Variants in ADAMTSL1 observed in about 807,000 individuals in gnomAD.
ADAMTSL1 encodes ADAMTS like 1.
Under a neutral mutation model 201.8 loss-of-function variants are expected in ADAMTSL1, and 126 were observed. That is an observed-to-expected ratio of 0.62 (90% confidence interval 0.54 to 0.72). The LOEUF (loss-of-function observed/expected upper bound fraction) is 0.72. Among genes scored for constraint, ADAMTSL1 ranks in the 30% least tolerant of loss-of-function variants. ADAMTSL1 has a pLI of 0.00. For missense variants in ADAMTSL1, 2,679 were observed against 2,277.8 expected, an observed-to-expected ratio of 1.18 and a Z score of -3.59; for synonymous variants, 1,121 against 903.4, an observed-to-expected ratio of 1.24 and a Z score of -4.32.
At chr9:18,627,020 G>T (rs1826431776) in intron 5 of ADAMTSL1, among the ~76,000 whole-genome samples, 1 of 147,730 alleles carries the variant, frequency 6.8e-6, no homozygotes, top group African/African-American at 2.5e-5. Flanking sequence ...CTGTCACTGA[G>T]GCTTCAGTGC....
intron 2 of ADAMTSL1, among the ~76,000 whole-genome samples, chr9:18,354,719 G>T (rs530109219): frequency 6.6e-6 from 1 of 152,156 alleles, no homozygotes; most frequent in Non-Finnish European, 1.5e-5. Flanking sequence ...TGTAGTCCCA[G>T]CACTTTGGAA....
At chr9:18,051,554 T>C (rs1467719290) in intron 1 of ADAMTSL1, among the ~76,000 whole-genome samples, 1 of 152,124 alleles carries the variant, frequency 6.6e-6, no homozygotes, top group African/African-American at 2.4e-5. Context: ...AACTTTTTTT[T>C]TTTTTTTTAA....
chr9:18,294,337 C>T (rs34128220), intron 2 of ADAMTSL1, among the ~76,000 whole-genome samples: 22,085 of 152,170 alleles, frequency 0.15, 2,507 homozygotes, highest in African/African-American at 0.32. Flanking sequence ...CCTTGAATTG[C>T]TTTTCCTGCA....
intron 2 of ADAMTSL1, among the ~76,000 whole-genome samples, chr9:18,468,915 G>GT (rs558997665): frequency 1.3e-5 from 2 of 152,160 alleles, no homozygotes; most frequent in Non-Finnish European, 2.9e-5. Flanking sequence ...AGTTTGTCAC[G>GT]TAAGCAACAT....
rs1432336903 is a variant in ADAMTSL1 at position 18,039,081 on chromosome 9, A to T, written c.88-124781A>T. ...AGCTCAGGACCTCAGGTATAATAAC[A>T]TCAAAGAAAAACTAACACCAGCTGA... On this transcript the variant is annotated intron_variant, in intron 1 of 29. Transcript: ENST00000680146. Among the ~76,000 whole-genome samples, 5 of 152,234 alleles carry T rather than the reference A, an allele frequency of 3.3e-5. No individual in the cohort carries two copies. In the East Asian group the frequency reaches 9.6e-4, roughly 29 times the overall value.
At chr9:18,286,854 T>C (rs999497357) in intron 2 of ADAMTSL1, among the ~76,000 whole-genome samples, 1 of 152,182 alleles carries the variant, frequency 6.6e-6, no homozygotes, top group Non-Finnish European at 1.5e-5. Flanking sequence ...TTATAAAATA[T>C]AGATTTTCCT....
chr9:18,222,638 T>C (rs1587344550), intron 2 of ADAMTSL1, among the ~76,000 whole-genome samples: 4 of 148,110 alleles, frequency 2.7e-5, no homozygotes, highest in African/African-American at 7.6e-5. Context: ...AATTTACTCA[T>C]ATACTCTTTT....
chr9:18,047,203 G>T (rs1163937327), intron 1 of ADAMTSL1, among the ~76,000 whole-genome samples: 2 of 152,092 alleles, frequency 1.3e-5, no homozygotes, highest in East Asian at 1.9e-4. Context: ...TGTTAACTAG[G>T]TATAAAATTA....
At chr9:18,196,998 C>G (rs777950654) in intron 2 of ADAMTSL1, among the ~76,000 whole-genome samples, 1 of 152,096 alleles carries the variant, frequency 6.6e-6, no homozygotes, top group Non-Finnish European at 1.5e-5. Flanking sequence ...GTCTCATGTT[C>G]GTTTCCTTCA....
At chr9:18,481,908 C>T (rs1305999129) in intron 1 of ADAMTSL1, among the ~76,000 whole-genome samples, 1 of 152,074 alleles carries the variant, frequency 6.6e-6, no homozygotes, top group Admixed American at 6.5e-5. Flanking sequence ...TTTCATCTGC[C>T]CCACTATCAC....
At chr9:18,157,740 A>T (rs1209756000) in intron 1 of ADAMTSL1, among the ~76,000 whole-genome samples, 1 of 152,032 alleles carries the variant, frequency 6.6e-6, no homozygotes, top group Non-Finnish European at 1.5e-5. Context: ...AGGTATATAA[A>T]TGTCAATGGG....
At chr9:18,538,014 G>T (rs746391067) in intron 3 of ADAMTSL1, among the ~76,000 whole-genome samples, 1 of 151,890 alleles carries the variant, frequency 6.6e-6, no homozygotes, top group Non-Finnish European at 1.5e-5. Context: ...GGAGGAGGAG[G>T]AGGAGAAGGA....
intron 1 of ADAMTSL1, among the ~76,000 whole-genome samples, chr9:18,010,094 G>C (rs1271674996): frequency 6.6e-6 from 1 of 152,008 alleles, no homozygotes; most frequent in African/African-American, 2.4e-5. Context: ...CATGGGGGCA[G>C]TCTAGAATAC....
chr9:18,095,706 G>C (rs1483383591), intron 1 of ADAMTSL1, among the ~76,000 whole-genome samples: 1 of 152,172 alleles, frequency 6.6e-6, no homozygotes, highest in Non-Finnish European at 1.5e-5. Context: ...TTACAGGTGT[G>C]AGCCACTGTG....
At chr9:18,640,746 G>A (rs189680967) in intron 7 of ADAMTSL1, among the ~76,000 whole-genome samples, 24 of 152,014 alleles carry the variant, frequency 1.6e-4, no homozygotes, top group African/African-American at 2.4e-4. Flanking sequence ...ATATGCCACC[G>A]GTCAGACTTC....
intron 1 of ADAMTSL1, among the ~76,000 whole-genome samples, chr9:17,939,709 C>A (rs1827157102): frequency 6.6e-6 from 1 of 152,064 alleles, no homozygotes; most frequent in South Asian, 2.1e-4. Context: ...ATTTATTGAA[C>A]ACACATTGTA....
intron 2 of ADAMTSL1, among the ~76,000 whole-genome samples, chr9:18,349,602 C>T (rs1412381622): frequency 6.6e-6 from 1 of 152,082 alleles, no homozygotes; most frequent in East Asian, 1.9e-4. Context: ...AGGGTCCCTG[C>T]CTTAGTGGAA....
At chr9:18,227,587 G>T (rs1319369147) in intron 2 of ADAMTSL1, among the ~76,000 whole-genome samples, 1 of 152,114 alleles carries the variant, frequency 6.6e-6, no homozygotes, top group Non-Finnish European at 1.5e-5. Flanking sequence ...ATGGCCATTT[G>T]TCCCCAGAAT....
intron 1 of ADAMTSL1, among the ~76,000 whole-genome samples, chr9:18,068,147 G>T (rs972905845): frequency 6.6e-6 from 1 of 152,102 alleles, no homozygotes; most frequent in African/African-American, 2.4e-5. Context: ...TCAGTAAAGG[G>T]CTGGCCCACC....
Sources: allele counts gnomAD v4.1 joint callset (sites outside exome capture counted in the v4.1 genomes callset), GRCh38; gene constraint gnomAD v4.1.1; transcripts MANE v1.5; gene names NCBI Gene and HGNC (gene_info 2026-07-23, HGNC 2026-07-21).